Variants in RGS7 observed in about 807,000 individuals in gnomAD.
RGS7 encodes the protein regulator of G-protein signaling 7.
Under a neutral mutation model 81.1 loss-of-function variants are expected in RGS7, and 27 were observed. The observed-to-expected ratio is 0.33, with a 90% CI of 0.25 to 0.46. The LOEUF is 0.46. RGS7 is among the 20% of genes least tolerant of loss of function. RGS7 has a pLI of 1.00. For missense variants in RGS7, 396 were observed against 607.4 expected, an observed-to-expected ratio of 0.65 and a Z score of 3.66; for synonymous variants, 208 against 207.7, an observed-to-expected ratio of 1.00 and a Z score of -0.01.
chr1:241,346,388 C>T (rs1293055410), intron 2 of RGS7, among the ~76,000 whole-genome samples: 1 of 15,890 alleles, frequency 6.3e-5, no homozygotes, highest in Non-Finnish European at 9.9e-4. Flanking sequence ...CTGCCCCATA[C>T]ACAGCCAAGG....
At chr1:240,912,724 C>T (rs1671974614) in intron 6 of RGS7, among the ~76,000 whole-genome samples, 1 of 151,856 alleles carries the variant, frequency 6.6e-6, no homozygotes, top group South Asian at 2.1e-4. Flanking sequence ...CCAACACAAA[C>T]ACATAATTTT....
At chr1:241,344,057 A>G (rs183892117) in intron 2 of RGS7, among the ~76,000 whole-genome samples, 18 of 152,324 alleles carry the variant, frequency 1.2e-4, no homozygotes, top group African/African-American at 4.1e-4. Flanking sequence ...AACTAAAAAA[A>G]TTTATATCCT....
intron 3 of RGS7, among the ~76,000 whole-genome samples, chr1:241,086,183 T>C (rs1433884864): frequency 6.6e-6 from 1 of 152,192 alleles, no homozygotes; most frequent in Non-Finnish European, 1.5e-5. Context: ...TATCCAACAG[T>C]TTCCAGGGCA....
At chr1:241,152,344 A>G (rs184606209) in intron 2 of RGS7, among the ~76,000 whole-genome samples, 1 of 152,226 alleles carries the variant, frequency 6.6e-6, no homozygotes, top group Non-Finnish European at 1.5e-5. Context: ...AAAGTAGGAA[A>G]ATGCAGATAG....
intron 2 of RGS7, among the ~76,000 whole-genome samples, chr1:241,262,726 G>C (rs1376685815): frequency 6.6e-6 from 1 of 152,132 alleles, no homozygotes; most frequent in Middle Eastern, 3.2e-3. Flanking sequence ...TTCTTCAAAA[G>C]AGTCATGGTT....
chr1:240,861,713 C>T (rs760459707), intron 9 of RGS7, among the ~76,000 whole-genome samples: 8 of 152,084 alleles, frequency 5.3e-5, no homozygotes, highest in Non-Finnish European at 8.8e-5. Flanking sequence ...CCTAGGGTCA[C>T]TAATCTTATT....
At chr1:240,787,845 A>G (rs1187805846) in intron 18 of RGS7, among the ~76,000 whole-genome samples, 1 of 152,226 alleles carries the variant, frequency 6.6e-6, no homozygotes, top group African/African-American at 2.4e-5. Context: ...CATGAGAAAA[A>G]AAATCCAATT....
rs570144934 is a variant in RGS7, at chr1:241,083,881, GA to G, written c.175+14784del. Among the ~76,000 whole-genome samples, 1,000 of 151,844 alleles carry G rather than the reference GA, an allele frequency of 6.6e-3. 19 individuals carry two copies. The highest frequency in any genetic ancestry group is 0.023 in the African/African-American group (968 of 41,448). ...CATTTTAGTCATTCCTATGATGAAT[GA>G]AAAAAAACTCACAATTAGTTGTCAG... On this transcript the variant is annotated intron_variant, in intron 3 of 18. Coordinates refer to ENST00000440928, the MANE Select transcript of RGS7 (RefSeq NM_001364886.1).
chr1:241,226,634 G>A (rs1353566132), intron 2 of RGS7, among the ~76,000 whole-genome samples: 1 of 152,138 alleles, frequency 6.6e-6, no homozygotes, highest in Non-Finnish European at 1.5e-5. Flanking sequence ...TTACAATGAT[G>A]GTGTTAGAAG....
chr1:241,215,029 A>AT (rs1375980903), intron 2 of RGS7, among the ~76,000 whole-genome samples: 1 of 152,102 alleles, frequency 6.6e-6, no homozygotes, highest in Non-Finnish European at 1.5e-5. Flanking sequence ...CTGTAAAATT[A>AT]TTTTTTCTTG....
At chr1:241,105,134 C>G (rs142056091) in intron 2 of RGS7, among the ~76,000 whole-genome samples, 13 of 152,292 alleles carry the variant, frequency 8.5e-5, no homozygotes, top group Non-Finnish European at 1.5e-4. Flanking sequence ...CTATCTAATG[C>G]AGATACTCCA....
At chr1:240,833,453 T>A (rs1694177960) in intron 9 of RGS7, among the ~76,000 whole-genome samples, 1 of 152,216 alleles carries the variant, frequency 6.6e-6, no homozygotes, top group African/African-American at 2.4e-5. Context: ...GCTACTGTAT[T>A]TAGATGGTCC....
intron 4 of RGS7, among the ~76,000 whole-genome samples, chr1:240,958,698 G>A (rs1057077235): frequency 6.6e-6 from 1 of 151,880 alleles, no homozygotes; most frequent in African/African-American, 2.4e-5. Context: ...GGAGCAGGTG[G>A]CACTCTCCTC....
chr1:241,346,688 T>C (rs1379088760), intron 2 of RGS7, among the ~76,000 whole-genome samples: 1 of 152,224 alleles, frequency 6.6e-6, no homozygotes, highest in African/African-American at 2.4e-5. Context: ...GTAAGTTGCC[T>C]TTCAGCTTTT....
At chr1:241,184,614 C>T (rs1371717128) in intron 2 of RGS7, among the ~76,000 whole-genome samples, 1 of 152,140 alleles carries the variant, frequency 6.6e-6, no homozygotes, top group South Asian at 2.1e-4. Flanking sequence ...GTAACACAAA[C>T]TTCATTTCCA....
At chr1:241,237,733 A>G (rs959863753) in intron 2 of RGS7, among the ~76,000 whole-genome samples, 2 of 152,172 alleles carry the variant, frequency 1.3e-5, no homozygotes, top group Non-Finnish European at 2.9e-5. Flanking sequence ...TACCTGGTTT[A>G]TGCAGTGCAC....
intron 2 of RGS7, among the ~76,000 whole-genome samples, chr1:241,178,910 ATACTT>A (rs2103298499): frequency 6.6e-6 from 1 of 152,330 alleles, no homozygotes; most frequent in Admixed American, 6.5e-5. Flanking sequence ...ACTGTGCTAT[ATACTT>A]TCAGTGTTCA....
At chr1:241,263,047 C>A (rs766029183) in intron 2 of RGS7, among the ~76,000 whole-genome samples, 1 of 151,512 alleles carries the variant, frequency 6.6e-6, no homozygotes, top group South Asian at 2.1e-4. Context: ...TGCAGTGAGC[C>A]GAGATCACAC....
chr1:241,161,867 G>T (rs1027673501), intron 2 of RGS7, among the ~76,000 whole-genome samples: 1 of 151,922 alleles, frequency 6.6e-6, no homozygotes, highest in African/African-American at 2.4e-5. Flanking sequence ...ACAGGCGCCT[G>T]CTACCACGCC....
Sources: allele counts gnomAD v4.1 joint callset (sites outside exome capture counted in the v4.1 genomes callset), GRCh38; gene constraint gnomAD v4.1.1; transcripts MANE v1.5; gene names NCBI Gene and HGNC (gene_info 2026-07-23, HGNC 2026-07-21).